Variants in ADGRL3 observed in about 807,000 individuals in gnomAD.
ADGRL3 encodes the protein adhesion G protein-coupled receptor L3.
In ADGRL3, 62 loss-of-function variants were observed where a neutral mutation model predicts 153.5. The ratio of observed to expected loss-of-function variants is 0.40; its 90% CI spans 0.33 to 0.50. The LOEUF is 0.50. Ranked by LOEUF, ADGRL3 falls within the 20% of genes least tolerant of loss-of-function variation. The pLI is 0.47. For missense variants in ADGRL3, 1,641 were observed against 1,859.4 expected (o/e 0.88, Z 2.16); for synonymous variants, 710 against 672.5 (o/e 1.06, Z -0.86).
At chr4:61,303,702 A>G (rs148888706) in intron 1 of ADGRL3, among the ~76,000 whole-genome samples, 205 of 152,288 alleles carry the variant, frequency 1.3e-3, no homozygotes, top group Non-Finnish European at 1.6e-3. Context: ...AAGTTAGTAC[A>G]GCTTTCCCTC....
At chr4:61,955,948 T>G (rs1278326146) in intron 17 of ADGRL3, among the ~76,000 whole-genome samples, 4 of 152,182 alleles carry the variant, frequency 2.6e-5, no homozygotes, top group Non-Finnish European at 1.5e-5. Context: ...GGTGGGCAAT[T>G]GGTTTGGTTC....
chr4:61,625,943 A>G (rs2092806095), intron 5 of ADGRL3, among the ~76,000 whole-genome samples: 1 of 152,066 alleles, frequency 6.6e-6, no homozygotes, highest in Non-Finnish European at 1.5e-5. Context: ...GCATACAACC[A>G]TGATTAAGTG....
chr4:61,974,939 T>C (rs904721349), intron 17 of ADGRL3, among the ~76,000 whole-genome samples: 5 of 152,152 alleles, frequency 3.3e-5, no homozygotes, highest in Non-Finnish European at 5.9e-5. Flanking sequence ...TGATACAACT[T>C]GTAGTTTGAA....
chr4:61,645,715 A>T lies in ADGRL3; in HGVS notation c.474-31111A>T, dbSNP rs567735613. 3.3e-5 allele frequency among the ~76,000 whole-genome samples: 5 copies of T among 151,894 alleles called. No homozygotes were observed. In the East Asian group the frequency reaches 9.7e-4, roughly 30 times the overall value. ...CCGACCTTTCTCTCTGGCTGCCCTT[A>T]ACATTTTTTCCTTCATTTCAACTTT... On this transcript the variant is annotated intron_variant, in intron 5 of 26. Coordinates refer to ENST00000683033, the MANE Select transcript of ADGRL3 (RefSeq NM_001387552.1).
intron 1 of ADGRL3, among the ~76,000 whole-genome samples, chr4:61,209,733 A>G (rs940668777): frequency 1.3e-5 from 2 of 152,134 alleles, no homozygotes; most frequent in Non-Finnish European, 2.9e-5. Flanking sequence ...TTTGACATCC[A>G]CCAAATACTG....
At chr4:61,850,982 A>C (rs1442129694) in intron 9 of ADGRL3, among the ~76,000 whole-genome samples, 1 of 152,166 alleles carries the variant, frequency 6.6e-6, no homozygotes, top group Admixed American at 6.5e-5. Context: ...TAAAAAGCAC[A>C]TTTCCTAATA....
chr4:61,629,931 C>T (rs2093058575), intron 5 of ADGRL3, among the ~76,000 whole-genome samples: 1 of 151,952 alleles, frequency 6.6e-6, no homozygotes, highest in Admixed American at 6.6e-5. Flanking sequence ...CCATCAATTA[C>T]TATGCTAAGT....
At chr4:61,823,345 A>C (rs2097772587) in intron 9 of ADGRL3, among the ~76,000 whole-genome samples, 1 of 152,198 alleles carries the variant, frequency 6.6e-6, no homozygotes, top group African/African-American at 2.4e-5. Flanking sequence ...AATAGCTAAT[A>C]TTTACTATGC....
chr4:61,388,823 T>C (rs1314791571), intron 2 of ADGRL3, among the ~76,000 whole-genome samples: 2 of 152,192 alleles, frequency 1.3e-5, no homozygotes, highest in African/African-American at 4.8e-5. Flanking sequence ...CAGTTATTCA[T>C]GTGGCTTGTT....
intron 4 of ADGRL3, among the ~76,000 whole-genome samples, chr4:61,558,827 C>T (rs1213477649): frequency 6.6e-6 from 1 of 151,906 alleles, no homozygotes; most frequent in East Asian, 1.9e-4. Context: ...TCTTATTAAG[C>T]CCTGGCAAAA....
intron 1 of ADGRL3, among the ~76,000 whole-genome samples, chr4:61,231,205 A>G (rs1259461694): frequency 1.3e-5 from 2 of 152,168 alleles, no homozygotes; most frequent in African/African-American, 2.4e-5. Flanking sequence ...AACTAAATCC[A>G]TGTGACCTCA....
At chr4:61,407,693 A>G (rs1048173413) in intron 2 of ADGRL3, among the ~76,000 whole-genome samples, 1 of 152,202 alleles carries the variant, frequency 6.6e-6, no homozygotes, top group African/African-American at 2.4e-5. Flanking sequence ...TCAAATCCCA[A>G]GAGACGAGGG....
chr4:61,990,536 T>C (rs2099100072), intron 19 of ADGRL3, among the ~76,000 whole-genome samples: 2 of 152,140 alleles, frequency 1.3e-5, no homozygotes, highest in South Asian at 2.1e-4. Context: ...AGTTATACTC[T>C]GTTAAATAAA....
At chr4:61,479,546 A>G (rs961804785) in intron 2 of ADGRL3, among the ~76,000 whole-genome samples, 1 of 152,242 alleles carries the variant, frequency 6.6e-6, no homozygotes, top group African/African-American at 2.4e-5. Flanking sequence ...TTGTTTTATT[A>G]TAAGTAGAAT....
chr4:61,990,307 C>G (rs1488172601), intron 19 of ADGRL3, among the ~76,000 whole-genome samples: 1 of 151,512 alleles, frequency 6.6e-6, no homozygotes, highest in Non-Finnish European at 1.5e-5. Context: ...TATATGTTCC[C>G]ATATATATAT....
intron 9 of ADGRL3, among the ~76,000 whole-genome samples, chr4:61,873,004 G>T (rs943362229): frequency 5.3e-5 from 8 of 152,154 alleles, no homozygotes; most frequent in Non-Finnish European, 1.2e-4. Context: ...TTAATGATGT[G>T]AATCTAACTG....
intron 1 of ADGRL3, among the ~76,000 whole-genome samples, chr4:61,226,660 T>C (rs945045693): frequency 1.3e-5 from 2 of 152,278 alleles, no homozygotes; most frequent in East Asian, 3.9e-4. Flanking sequence ...TTGTATGGGA[T>C]GATGGAGGAA....
rs142767321 is a variant in ADGRL3, at chr4:61,558,175, T to TATATAC, written c.260-29047_260-29046insCATATA. Among the ~76,000 whole-genome samples, 177 of 142,764 alleles carry TATATAC rather than the reference T, an allele frequency of 1.2e-3. 2 individuals carry two copies. Among genetic ancestry groups the TATATAC allele is most frequent in the African/African-American group, 4.3e-3 (167 of 38,938 alleles). 93.7% of individuals were successfully genotyped at this position (142,764 alleles called of 152,430 possible). A position where few individuals can be genotyped will look rare whatever the true frequency, so the allele number is the denominator to read the frequency against. On this transcript the variant is annotated intron_variant, in intron 4 of 26. Coordinates refer to ENST00000683033, the MANE Select transcript of ADGRL3 (RefSeq NM_001387552.1). ...TATATATACACATATGTAGGAATCA[T>TATATAC]ATATATATATATATATATATGATTT...
chr4:61,221,183 A>T (rs1745314073), intron 1 of ADGRL3, among the ~76,000 whole-genome samples: 8 of 152,188 alleles, frequency 5.3e-5, no homozygotes, highest in Admixed American at 5.2e-4. Context: ...ACGTGTATTA[A>T]TAATTAGGGA....
Sources: gnomAD v4.1 joint callset for allele counts (sites outside exome capture counted in the v4.1 genomes callset) on GRCh38, gnomAD v4.1.1 for gene constraint, MANE v1.5 for transcripts, NCBI Gene and HGNC (gene_info 2026-07-23, HGNC 2026-07-21) for gene names.